Variants in NFKBIE observed in about 807,000 individuals in gnomAD.
NFKBIE encodes the protein NFKB inhibitor epsilon.
A neutral mutation model predicts 31.6 loss-of-function variants in NFKBIE; 11 were observed. The ratio of observed to expected loss-of-function variants is 0.35; its 90% CI spans 0.22 to 0.58. NFKBIE has a LOEUF of 0.58. NFKBIE is among the 20% of genes least tolerant of loss of function. The pLI is 0.83. For synonymous variants in NFKBIE, 208 were observed against 210.1 expected (o/e 0.99, Z 0.09); for missense variants, 354 against 465.7 (o/e 0.76, Z 2.21).
In NFKBIE at chr6:44,263,525, G is replaced by A. The variant is rs1459972248; in HGVS notation, c.366-863C>T. Reference sequence around the variant, plus strand: ...AGGGGGCTGCTTGGGCAGGAGGGTGGCAGGCTTTAGCAGCAGGCAGCAGGA... The same window carrying A: ...AGGGGGCTGCTTGGGCAGGAGGGTGACAGGCTTTAGCAGCAGGCAGCAGGA... On this transcript the variant is annotated intron_variant, in intron 1 of 5. Transcript: ENST00000619360. This position sits in a 1 kb window ranked among gnomAD's most constrained non-coding sequence, Gnocchi z 5.0. 6.6e-6 allele frequency among the ~76,000 whole-genome samples: 1 copy of A among 152,104 alleles called. No homozygotes were observed. The highest frequency in any genetic ancestry group is 2.4e-5 in the African/African-American group (1 of 41,414).
At position 44,260,976 on chromosome 6, in the gene NFKBIE, G is replaced by A. The variant is rs900138427; in HGVS notation, c.692-437C>T. On this transcript the variant is annotated intron_variant, in intron 3 of 5. Coordinates refer to ENST00000619360, the MANE Select transcript of NFKBIE (RefSeq NM_004556.3). This position sits in a 1 kb window ranked among gnomAD's most constrained non-coding sequence, Gnocchi z 5.5. ...TGCCCCCAGCCCTTTCTCAGGGGCC[G>A]CTTCCTTCTGTGCTCCCCTGGCCTT... Among the ~76,000 whole-genome samples the A allele has an allele frequency of 4.6e-5, 7 of 151,934 alleles. No homozygotes were observed. Among genetic ancestry groups the A allele is most frequent in the East Asian group, 3.9e-4 (2 of 5,182 alleles).
At position 44,258,820 on chromosome 6, in the gene NFKBIE, AC is replaced by A. The variant is rs1781779985; in HGVS notation, c.*398del. On this transcript the variant is annotated 3_prime_UTR_variant, in exon 6 of 6. Coordinates refer to ENST00000619360, the MANE Select transcript of NFKBIE (RefSeq NM_004556.3). ...GTCCTCAACAGCAATAAGATGGGAC[AC>A]CTCTCAGGGTTCTGCTTGCTCCTAT... 1.2e-5 allele frequency: 2 copies of A among 164,540 alleles called. No homozygotes were observed. Among genetic ancestry groups the A allele is most frequent in the African/African-American group, 2.4e-5 (1 of 41,938 alleles). The allele number at this position is 164,540 out of a possible 1,614,324, so 10.2% of individuals were successfully genotyped here. A position where few individuals can be genotyped will look rare whatever the true frequency, so the allele number is the denominator to read the frequency against.
chr6:44,260,000 A>G, intron 5 of NFKBIE, 43 bp downstream of exon 5: 3 of 1,596,070 alleles, frequency 1.9e-6, no homozygotes, highest in Middle Eastern at 1.7e-4. Context: ...TCTCTCTGCT[A>G]TGGGTGTGCA....
At position 44,260,864 on chromosome 6, in the gene NFKBIE, C is replaced by CATACAG. The variant is rs1436911299; in HGVS notation, c.692-326_692-325insCTGTAT. On this transcript the variant is annotated intron_variant, in intron 3 of 5. Transcript: ENST00000619360. The surrounding 1 kb of genome is among the most constrained non-coding windows in gnomAD (Gnocchi z 5.5). ...ACACACACACACACACATACAGACA[C>CATACAG]ACACACACACACACACACACACACA... Among the ~76,000 whole-genome samples, 233 of 107,244 alleles carry CATACAG rather than the reference C, an allele frequency of 2.2e-3. No individual in the cohort carries two copies. Among genetic ancestry groups the CATACAG allele is most frequent in the African/African-American group, 8.1e-3 (133 of 16,418 alleles). 70.4% of individuals were successfully genotyped at this position (107,244 alleles called of 152,430 possible). A position where few individuals can be genotyped will look rare whatever the true frequency, so the allele number is the denominator to read the frequency against.
chr6:44,260,852 CACAT>C lies in NFKBIE; in HGVS notation c.692-317_692-314del, dbSNP rs1483765704. On this transcript the variant is annotated intron_variant, in intron 3 of 5. Coordinates refer to ENST00000619360, the MANE Select transcript of NFKBIE (RefSeq NM_004556.3). The surrounding 1 kb of genome is among the most constrained non-coding windows in gnomAD (Gnocchi z 5.5). ...ACACACACACACACACACACACACACACATACAGACACACACACACACACACACA... is the reference window on the plus strand; with the variant it reads ...ACACACACACACACACACACACACACACAGACACACACACACACACACACA... Among the ~76,000 whole-genome samples the C allele has an allele frequency of 1.4e-4, 10 of 73,770 alleles. 1 individual carries two copies. In the South Asian group the frequency reaches 1.9e-3, roughly 14 times the overall value. The allele number at this position is 73,770 out of a possible 152,430, so 48.4% of individuals were successfully genotyped here.
Position 44,260,411 on chromosome 6 carries a change from G to A in NFKBIE, c.780+40C>T, listed in dbSNP as rs764559188. 4 of 1,613,206 alleles carry A rather than the reference G, an allele frequency of 2.5e-6. No homozygotes were observed. The African/African-American group carries it at 4.0e-5, about 16-fold the overall frequency. ...GGACTTGGGGATGTGTCAGGTGGGGGCAGGCCCTGGGCCGGGCAGTGCTTT... is the reference window on the plus strand; with the variant it reads ...GGACTTGGGGATGTGTCAGGTGGGGACAGGCCCTGGGCCGGGCAGTGCTTT... On this transcript the variant is annotated intron_variant, in intron 4 of 5. Transcript: ENST00000619360. The surrounding 1 kb of genome is among the most constrained non-coding windows in gnomAD (Gnocchi z 5.5).
In NFKBIE at chr6:44,258,567, T is replaced by C. The variant is rs1781765193; in HGVS notation, c.*652A>G. ...GACCCCACCCAGCAAGGCCCTACCGTGCTCAGGGGACAATTTCCTTCTCTC... is the reference window on the plus strand; with the variant it reads ...GACCCCACCCAGCAAGGCCCTACCGCGCTCAGGGGACAATTTCCTTCTCTC... On this transcript the variant is annotated 3_prime_UTR_variant, in exon 6 of 6. Transcript: ENST00000619360. The C allele has an allele frequency of 6.6e-6, 1 of 152,638 alleles. No individual in the cohort carries two copies. The highest frequency in any genetic ancestry group is 1.5e-5 in the Non-Finnish European group (1 of 68,398). 9.5% of individuals were successfully genotyped at this position (152,638 alleles called of 1,614,324 possible). A position where few individuals can be genotyped will look rare whatever the true frequency, so the allele number is the denominator to read the frequency against.
Position 44,261,925 on chromosome 6 carries a change from C to A in NFKBIE, c.469-77G>T. ...TGGGAACATGCTTGGGCTCAAGAAT[C>A]ACCAGCTGCCAGCATCTTCTTTGAA... On this transcript the variant is annotated intron_variant, in intron 2 of 5. Coordinates refer to ENST00000619360, the MANE Select transcript of NFKBIE (RefSeq NM_004556.3). The surrounding 1 kb of genome is among the most constrained non-coding windows in gnomAD (Gnocchi z 4.3). 7.6e-7 allele frequency: 1 copy of A among 1,313,828 alleles called. No homozygotes were observed. The highest frequency in any genetic ancestry group is 1.3e-5 in the South Asian group (1 of 79,224). 81.4% of individuals were successfully genotyped at this position (1,313,828 alleles called of 1,614,324 possible). A position where few individuals can be genotyped will look rare whatever the true frequency, so the allele number is the denominator to read the frequency against.
At position 44,261,829 on chromosome 6, in the gene NFKBIE, A is replaced by G. The variant is rs1373155747; in HGVS notation, c.488T>C (p.Val163Ala). Reference protein sequence around the residue: ...NLYQTALHLAVHLDQPGAVRA... With the variant: ...NLYQTALHLAAHLDQPGAVRA... ...AACTGCGCCCGGTTGGTCCAGATGT[A>G]CAGCCAGATGGAGTGCTGTCTGGAG... Residue 163 changes from valine (V) to alanine (A), a missense_variant, in exon 3 of 6, where the codon GTA (valine) becomes GCA (alanine). By Grantham distance (64) the Val-to-Ala change is moderately conservative (BLOSUM62 0). Transcript: ENST00000619360. This position sits in a 1 kb window ranked among gnomAD's most constrained non-coding sequence, Gnocchi z 4.3. 6.2e-6 allele frequency: 10 copies of G among 1,611,010 alleles called. No individual in the cohort carries two copies. The highest frequency in any genetic ancestry group is 7.6e-6 in the Non-Finnish European group (9 of 1,179,896).
rs2153332651 is a variant in NFKBIE at position 44,262,672 on chromosome 6, C to T, written c.366-10G>A. ...TGCCAGGTGGACCAGCCTAGGGGAG[C>T]AGAGGCGGGGCTTAGAGTTAAGGGC... is the stretch of plus-strand genomic sequence containing the variant. On this transcript the variant is annotated splice_polypyrimidine_tract_variant and intron_variant, in intron 1 of 5. Coordinates refer to ENST00000619360, the MANE Select transcript of NFKBIE (RefSeq NM_004556.3). 6.2e-7 allele frequency: 1 copy of T among 1,611,978 alleles called. No individual in the cohort carries two copies.
rs764327694 is a variant in NFKBIE, at chr6:44,265,402, C to T, written c.-56G>A. The T allele has an allele frequency of 6.5e-7, 1 of 1,547,496 alleles. No homozygotes were observed. Among genetic ancestry groups the T allele is most frequent in the South Asian group, 1.2e-5 (1 of 84,496 alleles). On this transcript the variant is annotated 5_prime_UTR_variant, in exon 1 of 6. Coordinates refer to ENST00000619360, the MANE Select transcript of NFKBIE (RefSeq NM_004556.3). ...CTGAGCAGGATCCGGCTCCAGGCTC[C>T]GCCGCGCCGCCTTTCCGGGTTGCGG...
chr6:44,258,876 T>C lies in NFKBIE; in HGVS notation c.*343A>G. ...GTCTCTTCTCACTCAGGAGAGTCCA[T>C]GCTTCCTACTGGTTGGCAGTTTCAG... On this transcript the variant is annotated 3_prime_UTR_variant, in exon 6 of 6. Coordinates refer to ENST00000619360, the MANE Select transcript of NFKBIE (RefSeq NM_004556.3). 1 of 235,574 alleles carries C rather than the reference T, an allele frequency of 4.2e-6. No homozygotes were observed. The highest frequency in any genetic ancestry group is 8.8e-6 in the Non-Finnish European group (1 of 113,536). 14.6% of individuals were successfully genotyped at this position (235,574 alleles called of 1,614,324 possible).
rs1461280821 is a variant in NFKBIE, at chr6:44,260,231, G to A, written c.832C>T (p.Arg278Trp). ...TGGAGCAGGAACTGTACCAGGCCCC[G>A]CTCTTGGGTTTCCACAGCCAGGTGC... is the stretch of plus-strand genomic sequence containing the variant. ...ALHLAVETQE[R>W]GLVQFLLQAG... The change falls in exon 5 of 6, where the codon CGG (arginine) becomes TGG (tryptophan). Residue 278 changes from arginine to tryptophan, a missense_variant. Around this residue, in one of 2 missense-constraint regions of NFKBIE, gnomAD observed 183 missense variants for 310.6 expected, o/e 0.59. Coordinates refer to ENST00000619360, the MANE Select transcript of NFKBIE (RefSeq NM_004556.3). The surrounding 1 kb of genome is among the most constrained non-coding windows in gnomAD (Gnocchi z 5.5). 14 of 1,613,410 alleles carry A rather than the reference G, an allele frequency of 8.7e-6. No homozygotes were observed. The highest frequency in any genetic ancestry group is 1.2e-5 in the Non-Finnish European group (14 of 1,179,412).
rs1246061656 is a variant in NFKBIE, at chr6:44,260,872, C to CAG, written c.692-334_692-333insCT. Among the ~76,000 whole-genome samples the CAG allele has an allele frequency of 4.4e-5, 6 of 135,812 alleles. No individual in the cohort carries two copies. Among genetic ancestry groups the CAG allele is most frequent in the Admixed American group, 7.7e-5 (1 of 12,996 alleles). The allele number at this position is 135,812 out of a possible 152,430, so 89.1% of individuals were successfully genotyped here. A position where few individuals can be genotyped will look rare whatever the true frequency, so the allele number is the denominator to read the frequency against. ...ACACACACATACAGACACACACACA[C>CAG]ACACACACACACACACACAACCTGC... On this transcript the variant is annotated intron_variant, in intron 3 of 5. Transcript: ENST00000619360. The surrounding 1 kb of genome is among the most constrained non-coding windows in gnomAD (Gnocchi z 5.5).
In NFKBIE at chr6:44,261,581, C is replaced by T. The variant is rs758213742; in HGVS notation, c.691+45G>A. On this transcript the variant is annotated intron_variant, in intron 3 of 5. Coordinates refer to ENST00000619360, the MANE Select transcript of NFKBIE (RefSeq NM_004556.3). The surrounding 1 kb of genome is among the most constrained non-coding windows in gnomAD (Gnocchi z 4.3). ...GTGAGGTCCCTATCTCCTATGCCCT[C>T]CTCATCCCACAGGCCCTAAGGGCAG... 1.9e-6 allele frequency: 3 copies of T among 1,594,514 alleles called. No homozygotes were observed. The highest frequency in any genetic ancestry group is 2.6e-6 in the Non-Finnish European group (3 of 1,164,704).
Position 44,263,217 on chromosome 6 carries a change from C to T in NFKBIE, c.366-555G>A, listed in dbSNP as rs577882461. 1.3e-3 allele frequency among the ~76,000 whole-genome samples: 197 copies of T among 152,358 alleles called. No individual in the cohort carries two copies. The highest frequency in any genetic ancestry group is 2.3e-3 in the Non-Finnish European group (155 of 68,034). ...CCCTTCCCTGGGAGTCAAGAGGCAC[C>T]TCTCAGATAGCACAGACCAGGTCGG... On this transcript the variant is annotated intron_variant, in intron 1 of 5. Transcript: ENST00000619360. This position sits in a 1 kb window ranked among gnomAD's most constrained non-coding sequence, Gnocchi z 5.0.
rs1782093095 is a variant in NFKBIE at position 44,265,463 on chromosome 6, G to C, written c.-117C>G. 6.6e-7 allele frequency: 1 copy of C among 1,508,024 alleles called. No homozygotes were observed. The allele number at this position is 1,508,024 out of a possible 1,614,324, so 93.4% of individuals were successfully genotyped here. On this transcript the variant is annotated 5_prime_UTR_variant, in exon 1 of 6. Coordinates refer to ENST00000619360, the MANE Select transcript of NFKBIE (RefSeq NM_004556.3). ...CAGAGCGGGCGCCCGGCCCGCGGCG[G>C]CCTCCTTCCCGGGCTGTGGGGCTCC...
Position 44,262,646 on chromosome 6 carries a change from C to A in NFKBIE, c.382G>T (p.Val128Leu). The change falls in exon 2 of 6, where the codon GTG becomes TTG. Residue 128 changes from valine (V) to leucine (L), a missense_variant. This residue lies in a region of NFKBIE where 183 missense variants were observed against 310.6 expected (regional missense o/e 0.59). Coordinates refer to ENST00000619360, the MANE Select transcript of NFKBIE (RefSeq NM_004556.3). ...AGCACCGCTGGGGCCTCATGAATCACTGCCAGGTGGACCAGCCTAGGGGAG... is the reference window on the plus strand; with the variant it reads ...AGCACCGCTGGGGCCTCATGAATCAATGCCAGGTGGACCAGCCTAGGGGAG... ...EDGDTLVHLA[V>L]IHEAPAVLLC... 1 of 1,614,122 alleles carries A rather than the reference C, an allele frequency of 6.2e-7. No individual in the cohort carries two copies. Among genetic ancestry groups the A allele is most frequent in the Non-Finnish European group, 8.5e-7 (1 of 1,179,972 alleles).
chr6:44,263,799 A>G lies in NFKBIE; in HGVS notation c.366-1137T>C, dbSNP rs1280129339. ...TTTCTCCCCTCCACACACACACCCAATCTGGACACAACACCTGCTTCTAAC... is the reference window on the plus strand; with the variant it reads ...TTTCTCCCCTCCACACACACACCCAGTCTGGACACAACACCTGCTTCTAAC... On this transcript the variant is annotated intron_variant, in intron 1 of 5. Coordinates refer to ENST00000619360, the MANE Select transcript of NFKBIE (RefSeq NM_004556.3). The surrounding 1 kb of genome is among the most constrained non-coding windows in gnomAD (Gnocchi z 5.0). 6.6e-6 allele frequency among the ~76,000 whole-genome samples: 1 copy of G among 152,008 alleles called. No individual in the cohort carries two copies. The highest frequency in any genetic ancestry group is 1.5e-5 in the Non-Finnish European group (1 of 67,988).
Sources: allele counts gnomAD v4.1 joint callset (sites outside exome capture counted in the v4.1 genomes callset), GRCh38; gene constraint gnomAD v4.1.1; regional missense constraint gnomAD v4.1.1; non-coding constraint Gnocchi (gnomAD v3.1); transcripts MANE v1.5; gene names NCBI Gene and HGNC (gene_info 2026-07-23, HGNC 2026-07-21).